The following MLIP variants were observed in gnomAD, a reference collection of about 807,000 sequenced individuals.
MLIP encodes muscular LMNA interacting protein.
MLIP carries 79 observed loss-of-function variants against 84.8 expected under a neutral mutation model. The observed-to-expected ratio is 0.93, with a 90% CI of 0.78 to 1.12. The LOEUF is 1.12. Among genes scored for constraint, MLIP ranks in the 50% most tolerant of loss-of-function variants. The pLI is 0.00. For missense variants in MLIP, 1,257 were observed against 1,160.6 expected, an observed-to-expected ratio of 1.08 and a Z score of -1.21; for synonymous variants, 504 against 463.0, an observed-to-expected ratio of 1.09 and a Z score of -1.14.
At chr6:54,027,942 T>C (rs1018742130) in intron 1 of MLIP, among the ~76,000 whole-genome samples, 9 of 152,318 alleles carry the variant, frequency 5.9e-5, no homozygotes, top group Middle Eastern at 3.4e-3. Context: ...TAGCATACTG[T>C]ACGTGTGGCG....
intron 1 of MLIP, among the ~76,000 whole-genome samples, chr6:54,061,221 A>G (rs1353303810): frequency 6.6e-6 from 1 of 152,218 alleles, no homozygotes; most frequent in South Asian, 2.1e-4. Flanking sequence ...TAGAAACACA[A>G]TTCGCTCAGG....
intron 10 of MLIP, among the ~76,000 whole-genome samples, chr6:54,195,991 A>G (rs1203220428): frequency 6.6e-6 from 1 of 152,106 alleles, no homozygotes; most frequent in Non-Finnish European, 1.5e-5. Flanking sequence ...GAAGATGAGA[A>G]CTTTGGCTTT....
chr6:54,049,009 C>A (rs1765229800), intron 1 of MLIP, among the ~76,000 whole-genome samples: 1 of 152,148 alleles, frequency 6.6e-6, no homozygotes, highest in Non-Finnish European at 1.5e-5. Flanking sequence ...CATCTGGCTA[C>A]TTTTAGACTT....
At chr6:54,233,444 C>T (rs1368489875) in intron 12 of MLIP, among the ~76,000 whole-genome samples, 2 of 151,776 alleles carry the variant, frequency 1.3e-5, no homozygotes, top group Non-Finnish European at 2.9e-5. Flanking sequence ...TTTTCTGTTC[C>T]TGTGTTAGTT....
chr6:54,112,769 C>A (rs1013722777), intron 1 of MLIP, among the ~76,000 whole-genome samples: 8 of 152,064 alleles, frequency 5.3e-5, no homozygotes, highest in African/African-American at 1.9e-4. Context: ...AGGTTTTCTT[C>A]TTTTCAGTTG....
intron 10 of MLIP, among the ~76,000 whole-genome samples, chr6:54,190,473 G>A (rs1346360572): frequency 6.6e-6 from 1 of 152,034 alleles, no homozygotes; most frequent in Non-Finnish European, 1.5e-5. Context: ...TTTATTTAAT[G>A]TTATATAAAT....
At chr6:54,019,057 G>C (rs757355483) in exon 1 of MLIP, 9 of 1,611,532 alleles carry the variant, frequency 5.6e-6, no homozygotes, top group Middle Eastern at 1.6e-4. Context: ...GAAAAAAGAA[G>C]CTTATTAAAC....
intron 11 of MLIP, chr6:54,215,278 C>A: frequency 2.0e-6 from 3 of 1,476,472 alleles, no homozygotes; most frequent in Non-Finnish European, 2.7e-6. Context: ...GAGAAAAAGA[C>A]GATGATAGAA....
At chr6:54,135,957 T>C (rs816380) in intron 3 of MLIP, among the ~76,000 whole-genome samples, 46,591 of 152,090 alleles carry the variant, frequency 0.31, 7,452 homozygotes, top group African/African-American at 0.37. Context: ...TGGGTTTCCT[T>C]GTTTCAGGTG....
chr6:54,128,597 C>T (rs75567646), intron 3 of MLIP, among the ~76,000 whole-genome samples: 10,501 of 151,970 alleles, frequency 0.069, 509 homozygotes, highest in East Asian at 0.21. Context: ...CATTTGGTGA[C>T]CTTGGTGGGA....
At chr6:54,256,349 C>T (rs1783004385) in intron 12 of MLIP, among the ~76,000 whole-genome samples, 1 of 152,124 alleles carries the variant, frequency 6.6e-6, no homozygotes, top group African/African-American at 2.4e-5. Flanking sequence ...CTTCAAATTG[C>T]TCTGGGGGTT....
intron 1 of MLIP, among the ~76,000 whole-genome samples, chr6:54,084,582 A>C (rs535589684): frequency 6.6e-6 from 1 of 152,324 alleles, no homozygotes; most frequent in South Asian, 2.1e-4. Flanking sequence ...ATATGTGTAC[A>C]TATACAATAG....
chr6:54,137,561 A>C lies in MLIP; in HGVS notation c.1492A>C (p.Lys498Gln). Residue 498 changes from lysine to glutamine, a missense_variant, in exon 4 of 14, where the codon AAG becomes CAG. Coordinates refer to ENST00000502396, the MANE Select transcript of MLIP (RefSeq NM_001281747.2). ...QQSFHLPVFT[K>Q]STPLSQAPSL... ...ATCTTTTCACCTGCCTGTTTTCACC[A>C]AGTCTACTCCGCTTTCTCAGGCGCC... is the stretch of plus-strand genomic sequence containing the variant. 3 of 1,536,076 alleles carry C rather than the reference A, an allele frequency of 2.0e-6. No homozygotes were observed. Among genetic ancestry groups the C allele is most frequent in the Non-Finnish European group, 2.6e-6 (3 of 1,146,894 alleles).
At chr6:54,072,463 T>C (rs913636406) in intron 1 of MLIP, among the ~76,000 whole-genome samples, 1 of 152,100 alleles carries the variant, frequency 6.6e-6, no homozygotes, top group South Asian at 2.1e-4. Context: ...GTTGGTCCTA[T>C]AACAATTTGG....
intron 12 of MLIP, among the ~76,000 whole-genome samples, chr6:54,248,555 G>T (rs564635818): frequency 7.2e-5 from 11 of 152,208 alleles, no homozygotes; most frequent in Admixed American, 3.9e-4. Context: ...ATAGGATGTG[G>T]TATTTGTTTT....
intron 1 of MLIP, among the ~76,000 whole-genome samples, chr6:54,055,768 T>C (rs1043227359): frequency 5.3e-5 from 8 of 152,062 alleles, no homozygotes; most frequent in African/African-American, 1.9e-4. Flanking sequence ...TGGGGAATAT[T>C]GGAAGGACAT....
At chr6:54,219,575 T>C (rs1780090515) in intron 11 of MLIP, among the ~76,000 whole-genome samples, 1 of 152,294 alleles carries the variant, frequency 6.6e-6, no homozygotes, top group South Asian at 2.1e-4. Context: ...TTTATGTTAC[T>C]ATGTTAGGAT....
At chr6:54,209,418 AT>A (rs1430740620) in intron 11 of MLIP, among the ~76,000 whole-genome samples, 1 of 152,230 alleles carries the variant, frequency 6.6e-6, no homozygotes, top group Non-Finnish European at 1.5e-5. Flanking sequence ...AGTTCAGCCT[AT>A]GGAGAACAGA....
At chr6:54,228,222 A>AG (rs1780738484) in intron 11 of MLIP, among the ~76,000 whole-genome samples, 1 of 148,864 alleles carries the variant, frequency 6.7e-6, no homozygotes, top group Admixed American at 6.6e-5. Flanking sequence ...AAAGAGAAAG[A>AG]AAAAAGAAAC....
Sources: allele counts gnomAD v4.1 joint callset (sites outside exome capture counted in the v4.1 genomes callset), GRCh38; gene constraint gnomAD v4.1.1; transcripts MANE v1.5; gene names NCBI Gene and HGNC (gene_info 2026-07-23, HGNC 2026-07-21).